The following NF1 variants were observed in gnomAD, a reference collection of about 807,000 sequenced individuals.
NF1 encodes neurofibromin 1, also known as neurofibromin.
A neutral mutation model predicts 325.7 loss-of-function variants in NF1; 122 were observed. The ratio of observed to expected loss-of-function variants is 0.37; its 90% CI spans 0.32 to 0.44. The LOEUF (loss-of-function observed/expected upper bound fraction) is 0.44, where lower values mean the gene tolerates loss of function less well. Ranked by LOEUF, NF1 falls within the 20% of genes least tolerant of loss-of-function variation. The pLI is 1.00. For missense variants in NF1, 2,140 were observed against 3,415.4 expected (o/e 0.63, Z 9.31); for synonymous variants, 1,091 against 1,186.0 (o/e 0.92, Z 1.65).
chr17:31,285,429 T>C (rs1385654874), intron 36 of NF1, among the ~76,000 whole-genome samples: 2 of 152,108 alleles, frequency 1.3e-5, no homozygotes, highest in African/African-American at 4.8e-5. Context: ...TTTAGGGAAA[T>C]AATTTTTTGG....
At chr17:31,230,037 T>C (rs1230453095) in intron 22 of NF1, 63 bp downstream of exon 22, 1 of 1,581,202 alleles carries the variant, frequency 6.3e-7, no homozygotes, top group African/African-American at 1.3e-5. Context: ...TCTTACACAC[T>C]GATACTGGTA....
intron 57 of NF1, among the ~76,000 whole-genome samples, chr17:31,365,247 T>G (rs1293108327): frequency 7.7e-6 from 1 of 130,360 alleles, no homozygotes. Context: ...ATCATGCCAC[T>G]GCACTCCAGT....
chr17:31,191,564 A>G (rs17883815), intron 8 of NF1, among the ~76,000 whole-genome samples: 6 of 152,224 alleles, frequency 3.9e-5, no homozygotes, highest in Admixed American at 6.5e-5. Flanking sequence ...CTTCCAGAGA[A>G]GACAAAATTC....
rs17879356 is a variant in NF1, at chr17:31,342,755, G to A, written c.7063-254G>A. ...AAAGTCACCGGGATGTAAATTGACA[G>A]TCATTTATTTTGTATTGTAAATAAA... On this transcript the variant is annotated intron_variant, in intron 47 of 57. Coordinates refer to ENST00000358273, the MANE Select transcript of NF1 (RefSeq NM_001042492.3). Among the ~76,000 whole-genome samples, 688 of 152,286 alleles carry A rather than the reference G, an allele frequency of 4.5e-3. 3 individuals are homozygous for A. The highest frequency in any genetic ancestry group is 0.016 in the African/African-American group (647 of 41,546).
At chr17:31,367,938 T>C (rs2070561128) in intron 57 of NF1, among the ~76,000 whole-genome samples, 1 of 151,480 alleles carries the variant, frequency 6.6e-6, no homozygotes, top group East Asian at 1.9e-4. Flanking sequence ...GACAGAGCAA[T>C]ACTCTGTCTC....
intron 17 of NF1, among the ~76,000 whole-genome samples, chr17:31,225,579 T>G (rs2066999211): frequency 6.6e-6 from 1 of 152,136 alleles, no homozygotes; most frequent in Non-Finnish European, 1.5e-5. Flanking sequence ...AAAAACCCAT[T>G]CATACCACAG....
intron 31 of NF1, among the ~76,000 whole-genome samples, chr17:31,257,411 T>C (rs2067601621): frequency 6.6e-6 from 1 of 152,158 alleles, no homozygotes; most frequent in Non-Finnish European, 1.5e-5. Context: ...CTGCAAAATA[T>C]AATTTTCATC....
At chr17:31,231,003 G>A (rs2067104836) in intron 24 of NF1, 78 bp downstream of exon 24, 2 of 1,110,318 alleles carry the variant, frequency 1.8e-6, no homozygotes, top group Non-Finnish European at 2.7e-6. Flanking sequence ...CTTTATACTT[G>A]TATTTTGTGT....
chr17:31,168,823 TG>T (rs1458969122), intron 4 of NF1, among the ~76,000 whole-genome samples: 1 of 152,210 alleles, frequency 6.6e-6, no homozygotes, highest in Non-Finnish European at 1.5e-5. Flanking sequence ...TAATCACTGA[TG>T]ATCACTGCCT....
At chr17:31,271,579 C>CCT (rs2067897816) in intron 36 of NF1, among the ~76,000 whole-genome samples, 1 of 151,644 alleles carries the variant, frequency 6.6e-6, no homozygotes, top group South Asian at 2.1e-4. Context: ...TGGTGAAACC[C>CCT]CTCTACTAAA....
At chr17:31,148,133 TA>T (rs1229647861) in intron 1 of NF1, among the ~76,000 whole-genome samples, 1 of 152,236 alleles carries the variant, frequency 6.6e-6, no homozygotes, top group African/African-American at 2.4e-5. Context: ...AGGTGATTTT[TA>T]TATTTCATCT....
chr17:31,157,537 A>G (rs914796007), intron 2 of NF1, among the ~76,000 whole-genome samples: 3 of 152,190 alleles, frequency 2.0e-5, no homozygotes, highest in African/African-American at 7.2e-5. Flanking sequence ...TTATGGGTAC[A>G]TATTGATGTT....
intron 11 of NF1, among the ~76,000 whole-genome samples, chr17:31,205,155 A>T (rs1020528267): frequency 6.6e-6 from 1 of 152,162 alleles, no homozygotes; most frequent in Non-Finnish European, 1.5e-5. Context: ...GGGTTAAGGT[A>T]ATATAACTCG....
rs574810122 is a variant in NF1 at position 31,283,427 on chromosome 17, A to C, written c.4835+18088A>C. On this transcript the variant is annotated intron_variant, in intron 36 of 57. Transcript: ENST00000358273. ...GTGAGACTCCATCTCAAAAAAACAA[A>C]CAAAAAAAAACACTAATTACCAGTT... Among the ~76,000 whole-genome samples, 224 of 146,178 alleles carry C rather than the reference A, an allele frequency of 1.5e-3. 3 individuals carry two copies. The highest frequency in any genetic ancestry group is 1.2e-3 in the East Asian group (6 of 5,020).
At position 31,343,026 on chromosome 17, in the gene NF1, T is replaced by A. The variant is rs2069866250; in HGVS notation, c.7080T>A (p.Phe2360Leu). 6.2e-7 allele frequency: 1 copy of A among 1,614,024 alleles called. No homozygotes were observed. Among genetic ancestry groups the A allele is most frequent in the Non-Finnish European group, 8.5e-7 (1 of 1,180,014 alleles). ...TTTAATAGAGTCCAGAGGAAGTATT[T>A]ATGGCAATCCGGAATCCTCTGGAGT... ...IFNDKSPEEV[F>L]MAIRNPLEWH... is the part of the protein sequence containing the mutation. Residue 2360 changes from phenylalanine (F) to leucine (L), a missense_variant, in exon 48 of 58, where the codon TTT (phenylalanine) becomes TTA (leucine). By Grantham distance (22) the Phe-to-Leu change is conservative (BLOSUM62 0). This residue lies in a region of NF1 where 522 missense variants were observed against 749.0 expected (regional missense o/e 0.70). Transcript: ENST00000358273.
At chr17:31,334,682 T>C in intron 39 of NF1, 156 bp from the exon 40 acceptor site, 1 of 644,698 alleles carries the variant, frequency 1.6e-6, no homozygotes, top group Non-Finnish European at 2.7e-6. Context: ...TTTCTTCGCC[T>C]CTACAAAAAT....
intron 12 of NF1, among the ~76,000 whole-genome samples, chr17:31,209,104 A>G (rs1317824789): frequency 6.6e-6 from 1 of 152,216 alleles, no homozygotes; most frequent in African/African-American, 2.4e-5. Flanking sequence ...TACCCACTAG[A>G]TGCCAATATT....
chr17:31,316,356 A>G (rs745600092), intron 36 of NF1, among the ~76,000 whole-genome samples: 5 of 152,208 alleles, frequency 3.3e-5, no homozygotes, highest in African/African-American at 4.8e-5. Context: ...TTCAGTAACT[A>G]TCATTGGATA....
At chr17:31,164,653 A>G (rs1368746535) in intron 4 of NF1, among the ~76,000 whole-genome samples, 1 of 152,186 alleles carries the variant, frequency 6.6e-6, no homozygotes, top group African/African-American at 2.4e-5. Context: ...GAAAGACAAC[A>G]TACATCACCA....
Sources: gnomAD v4.1 joint callset for allele counts (sites outside exome capture counted in the v4.1 genomes callset) on GRCh38, gnomAD v4.1.1 for gene constraint, gnomAD v4.1.1 regional missense constraint, MANE v1.5 for transcripts, NCBI Gene and HGNC (gene_info 2026-07-23, HGNC 2026-07-21) for gene names.